DGLUCY: variants seen among roughly 807,000 people sequenced by gnomAD.
The protein encoded by DGLUCY is D-glutamate cyclase.
In DGLUCY, 58 loss-of-function variants were observed where a neutral mutation model predicts 58.5. That is an observed-to-expected ratio of 0.99 (90% CI 0.80 to 1.23). The LOEUF (loss-of-function observed/expected upper bound fraction) is 1.23, where lower values mean the gene tolerates loss of function less well. DGLUCY is among the 50% of genes most tolerant of loss of function. DGLUCY has a pLI of 0.00. For synonymous variants in DGLUCY, 325 were observed against 314.1 expected (o/e 1.03, Z -0.37); for missense variants, 779 against 784.7 (o/e 0.99, Z 0.09).
chr14:91,199,714 TC>T (rs1307716153), intron 10 of DGLUCY, 42 bp from the exon 11 acceptor site: 1 of 1,597,258 alleles, frequency 6.3e-7, no homozygotes, highest in East Asian at 2.2e-5. Context: ...AGCAGCCACC[TC>T]TCCATAGGAC....
intron 1 of DGLUCY, among the ~76,000 whole-genome samples, chr14:91,153,293 G>A (rs371730419): frequency 2.6e-5 from 4 of 151,962 alleles, no homozygotes; most frequent in South Asian, 2.1e-4. Context: ...AGCGAGTCTC[G>A]TGCCTCAGCC....
intron 1 of DGLUCY, among the ~76,000 whole-genome samples, chr14:91,061,499 T>C (rs2043682010): frequency 6.6e-6 from 1 of 152,158 alleles, no homozygotes; most frequent in Admixed American, 6.5e-5. Context: ...GAATTTGAAA[T>C]AAAGCAGTCG....
chr14:91,180,156 T>G (rs1277101526), intron 7 of DGLUCY, among the ~76,000 whole-genome samples: 1 of 151,816 alleles, frequency 6.6e-6, no homozygotes, highest in Non-Finnish European at 1.5e-5. Context: ...TCCCAAAGTA[T>G]TGGGATTACA....
chr14:91,126,872 A>G (rs1297205230), intron 1 of DGLUCY, among the ~76,000 whole-genome samples: 1 of 151,698 alleles, frequency 6.6e-6, no homozygotes, highest in Non-Finnish European at 1.5e-5. Flanking sequence ...GCCACATTCC[A>G]CCCCCTGTAG....
At chr14:91,102,246 T>G (rs183591782) in intron 1 of DGLUCY, among the ~76,000 whole-genome samples, 51 of 152,232 alleles carry the variant, frequency 3.4e-4, no homozygotes, top group Non-Finnish European at 4.9e-4. Flanking sequence ...ACTTTCAGGC[T>G]CCAATGAAGT....
chr14:91,191,393 A>G (rs2049883346), intron 9 of DGLUCY, among the ~76,000 whole-genome samples: 1 of 152,156 alleles, frequency 6.6e-6, no homozygotes, highest in African/African-American at 2.4e-5. Context: ...TTGCACAACA[A>G]TGTGAAATAT....
Position 91,181,207 on chromosome 14 carries a change from G to A in DGLUCY, c.752G>A (p.Ser251Asn). 6.2e-7 allele frequency: 1 copy of A among 1,614,124 alleles called. No individual in the cohort carries two copies. The highest frequency in any genetic ancestry group is 1.3e-5 in the African/African-American group (1 of 75,044). The change falls in exon 8 of 14, where the codon AGC becomes AAC. Residue 251 changes from serine (S) to asparagine (N), a missense_variant. Ser to Asn is a conservative substitution (Grantham distance 46). Coordinates refer to ENST00000256324, the MANE Select transcript of DGLUCY (RefSeq NM_001102368.3). The part of the protein sequence containing the change: ...SSCETPLAFA[S>N]IPGCTVMTDL... The stretch of plus-strand genomic sequence containing the variant: ...TTAGAGACCCCACTGGCTTTTGCCA[G>A]CATCCCAGGCTGCACAGTTATGACT...
intron 1 of DGLUCY, among the ~76,000 whole-genome samples, chr14:91,132,468 A>ATAACTTTT (rs2046074824): frequency 6.7e-6 from 1 of 150,084 alleles, no homozygotes; most frequent in Non-Finnish European, 1.5e-5. Context: ...TGGGAGACCC[A>ATAACTTTT]TAACTTTTTC....
At chr14:91,148,645 A>C (rs1353087606) in intron 1 of DGLUCY, 2 of 152,202 alleles carry the variant, frequency 1.3e-5, no homozygotes, top group Non-Finnish European at 2.9e-5. Flanking sequence ...GGCATTTGAC[A>C]TGAAGAAACT....
At chr14:91,204,968 A>G (rs796391718) in intron 12 of DGLUCY, 143 bp downstream of exon 12, 7 of 1,076,142 alleles carry the variant, frequency 6.5e-6, no homozygotes, top group Middle Eastern at 3.0e-4. Context: ...TGCTCAGCCT[A>G]TGACCTTTCA....
chr14:91,187,452 T>C (rs1249024734), intron 8 of DGLUCY, among the ~76,000 whole-genome samples: 1 of 152,224 alleles, frequency 6.6e-6, no homozygotes, highest in Non-Finnish European at 1.5e-5. Flanking sequence ...TGAGATGACC[T>C]GAATGTAGAC....
At chr14:91,122,607 T>TTTG (rs1427557408) in intron 1 of DGLUCY, among the ~76,000 whole-genome samples, 1 of 132,176 alleles carries the variant, frequency 7.6e-6, no homozygotes, top group Non-Finnish European at 1.6e-5. Flanking sequence ...AAAAAGTTTT[T>TTTG]TTTTTTTTTT....
chr14:91,119,826 G>A (rs2140134939), intron 1 of DGLUCY, among the ~76,000 whole-genome samples: 1 of 152,316 alleles, frequency 6.6e-6, no homozygotes, highest in East Asian at 1.9e-4. Context: ...GAGGAACATG[G>A]AAGGACTAGA....
At chr14:91,077,015 T>G (rs1339554556) in intron 1 of DGLUCY, among the ~76,000 whole-genome samples, 1 of 151,880 alleles carries the variant, frequency 6.6e-6, no homozygotes, top group Admixed American at 6.6e-5. Flanking sequence ...GAGGCCAAGG[T>G]GGAAGGATCA....
At chr14:91,149,770 C>A (rs929604134) in intron 1 of DGLUCY, among the ~76,000 whole-genome samples, 2 of 152,222 alleles carry the variant, frequency 1.3e-5, no homozygotes, top group Non-Finnish European at 2.9e-5. Context: ...ATACCTTGGA[C>A]TTTTGCCACT....
chr14:91,157,115 A>G (rs28568365), intron 1 of DGLUCY, among the ~76,000 whole-genome samples: 3,868 of 102,022 alleles, frequency 0.038, 119 homozygotes, highest in African/African-American at 0.09. Context: ...GGATGGATGG[A>G]TGGGTGGATG....
In DGLUCY at chr14:91,176,054, G is replaced by A. The variant is rs775982099; in HGVS notation, c.728G>A (p.Cys243Tyr). The A allele has an allele frequency of 6.2e-7, 1 of 1,613,878 alleles. No individual in the cohort carries two copies. The highest frequency in any genetic ancestry group is 8.5e-7 in the Non-Finnish European group (1 of 1,179,818). Residue 243 changes from cysteine to tyrosine, a missense_variant and splice_region_variant, in exon 7 of 14, where the codon TGT becomes TAT. Transcript: ENST00000256324. ...PLTSLGAVSSCETPLAFASIP... is the reference protein window; with the variant it reads ...PLTSLGAVSSYETPLAFASIP... ...ACCAGTCTCGGAGCTGTCAGCAGCTGTGGTACGTTGGGGGATAATGGGACA... is the reference window on the plus strand; with the variant it reads ...ACCAGTCTCGGAGCTGTCAGCAGCTATGGTACGTTGGGGGATAATGGGACA...
At chr14:91,150,440 A>G (rs757936377) in intron 1 of DGLUCY, among the ~76,000 whole-genome samples, 3 of 151,888 alleles carry the variant, frequency 2.0e-5, no homozygotes, top group Non-Finnish European at 4.4e-5. Context: ...TAAACATTTA[A>G]TGTGAATGTT....
chr14:91,196,586 T>A, intron 10 of DGLUCY, 112 bp downstream of exon 10: 1 of 854,898 alleles, frequency 1.2e-6, no homozygotes, highest in Non-Finnish European at 1.9e-6. Context: ...AGCGAAGCCA[T>A]GAGCCAAGGA....
Sources: allele counts gnomAD v4.1 joint callset (sites outside exome capture counted in the v4.1 genomes callset), GRCh38; gene constraint gnomAD v4.1.1; transcripts MANE v1.5; gene names NCBI Gene and HGNC (gene_info 2026-07-23, HGNC 2026-07-21).